Variants in GRIN2A observed in about 807,000 individuals in gnomAD.
GRIN2A encodes glutamate receptor ionotropic, NMDA 2A.
Under a neutral mutation model 113.4 loss-of-function variants are expected in GRIN2A, and 22 were observed. The observed-to-expected ratio is 0.19, with a 90% CI of 0.14 to 0.28. GRIN2A has a LOEUF of 0.28. Ranked by LOEUF, GRIN2A falls within the 10% of genes least tolerant of loss-of-function variation. The pLI, the probability that GRIN2A is intolerant of heterozygous loss-of-function variation, is 1.00. For synonymous variants in GRIN2A, 827 were observed against 738.4 expected (o/e 1.12, Z -1.94); for missense variants, 1,502 against 1,887.0 (o/e 0.80, Z 3.78).
intron 2 of GRIN2A, among the ~76,000 whole-genome samples, chr16:10,073,810 G>C (rs1019584664): frequency 3.3e-5 from 5 of 151,754 alleles, no homozygotes; most frequent in South Asian, 2.1e-4. Flanking sequence ...CAGCTACTCA[G>C]GAGGCTGAGG....
chr16:9,788,491 C>T lies in GRIN2A; in HGVS notation c.2356+9786G>A, dbSNP rs139752070. On this transcript the variant is annotated intron_variant, in intron 11 of 12. Coordinates refer to ENST00000330684, the MANE Select transcript of GRIN2A (RefSeq NM_001134407.3). ...CAGGCTGGTCTCAAACTCCTAACCT[C>T]GAGTGATTCACCTACCTTGGCCTCC... Among the ~76,000 whole-genome samples the T allele has an allele frequency of 3.6e-3, 553 of 152,090 alleles. 6 individuals are homozygous for T. Among genetic ancestry groups the T allele is most frequent in the African/African-American group, 0.012 (512 of 41,480 alleles).
chr16:9,764,353 G>A lies in GRIN2A; in HGVS notation c.3191C>T (p.Thr1064Met), dbSNP rs756930722. Residue 1064 changes from threonine (T) to methionine (M), a missense_variant, in exon 13 of 13, where the codon ACG (threonine) becomes ATG (methionine). By Grantham distance (81) the Thr-to-Met change is moderately conservative (BLOSUM62 -1). Coordinates refer to ENST00000330684, the MANE Select transcript of GRIN2A (RefSeq NM_001134407.3). The part of the protein sequence containing the change: ...EEMAHSDISE[T>M]SNRATCHREP... ...CCTGTGGCACGTGGCCCGATTTGAC[G>A]TTTCTGAAATGTCAGAGTGGGCCAT... is the stretch of plus-strand genomic sequence containing the variant. 1.2e-5 allele frequency: 20 copies of A among 1,613,952 alleles called. No homozygotes were observed. The highest frequency in any genetic ancestry group is 3.3e-5 in the South Asian group (3 of 91,070).
intron 4 of GRIN2A, among the ~76,000 whole-genome samples, chr16:9,863,469 C>A (rs778310260): frequency 3.9e-5 from 6 of 152,178 alleles, no homozygotes; most frequent in Non-Finnish European, 8.8e-5. Context: ...ACCTTGAATT[C>A]CACCACAGAA....
chr16:10,027,251 A>G (rs1030294962), intron 2 of GRIN2A, among the ~76,000 whole-genome samples: 5 of 152,228 alleles, frequency 3.3e-5, no homozygotes, highest in African/African-American at 9.6e-5. Flanking sequence ...GGAGTTGCCC[A>G]TATTACAGAT....
rs1391003195 is a variant in GRIN2A at position 9,897,072 on chromosome 16, G to A, written c.1008-5972C>T. On this transcript the variant is annotated intron_variant, in intron 3 of 12. Coordinates refer to ENST00000330684, the MANE Select transcript of GRIN2A (RefSeq NM_001134407.3). ...AGGAGCAATAAGTACACAGAAGCAT[G>A]CTGGCAAATAGAGAAGGGGAAGACT... Among the ~76,000 whole-genome samples the A allele has an allele frequency of 7.9e-5, 12 of 152,272 alleles. No homozygotes were observed. In the East Asian group the frequency reaches 2.3e-3, roughly 29 times the overall value.
At chr16:10,080,506 G>A (rs559739192) in intron 2 of GRIN2A, among the ~76,000 whole-genome samples, 1 of 152,302 alleles carries the variant, frequency 6.6e-6, no homozygotes, top group African/African-American at 2.4e-5. Context: ...AAAGTTGGAA[G>A]GGATTCCGAG....
At position 9,835,710 on chromosome 16, in the gene GRIN2A, T is replaced by C. The variant is rs528708998; in HGVS notation, c.1652-1480A>G. 2.6e-5 allele frequency among the ~76,000 whole-genome samples: 4 copies of C among 152,274 alleles called. No homozygotes were observed. In the South Asian group the frequency reaches 8.3e-4, roughly 32 times the overall value. ...AAATTGTTTTCCTAGTGAAGCTACT[T>C]ATAATAATAAAGAGCTAGGTTGATA... On this transcript the variant is annotated intron_variant, in intron 7 of 12. Coordinates refer to ENST00000330684, the MANE Select transcript of GRIN2A (RefSeq NM_001134407.3).
intron 2 of GRIN2A, among the ~76,000 whole-genome samples, chr16:9,952,774 G>C (rs1013488654): frequency 1.3e-5 from 2 of 152,066 alleles, no homozygotes; most frequent in Non-Finnish European, 2.9e-5. Flanking sequence ...ATATCTGTGG[G>C]ATTGGATTAA....
intron 4 of GRIN2A, among the ~76,000 whole-genome samples, chr16:9,871,904 A>C (rs548415019): frequency 6.6e-6 from 1 of 152,318 alleles, no homozygotes; most frequent in Admixed American, 6.5e-5. Context: ...AGAAAGTAGC[A>C]GAAGTTAGTA....
intron 2 of GRIN2A, among the ~76,000 whole-genome samples, chr16:9,991,143 C>T (rs1389315986): frequency 6.6e-6 from 1 of 152,162 alleles, no homozygotes. Context: ...TGGAAAAAGG[C>T]AAATGCCTGG....
rs1900679967 is a variant in GRIN2A, at chr16:9,763,350, G to A, written c.4194C>T (p.Asp1398=). The change falls in exon 13 of 13, where the codon GAC becomes GAT. Residue 1398 remains aspartate (D), a synonymous_variant. Coordinates refer to ENST00000330684, the MANE Select transcript of GRIN2A (RefSeq NM_001134407.3). ...ACCTCAAGGACGACCGAAGATAGCT[G>A]TCATTCACCGCCTGGGATGGCAACG... The part of the protein sequence containing the change: ...KHSLPSQAVN[D]SYLRSSLRST... The A allele has an allele frequency of 1.2e-6, 2 of 1,614,004 alleles. No homozygotes were observed. The highest frequency in any genetic ancestry group is 1.7e-6 in the Non-Finnish European group (2 of 1,180,012).
At chr16:9,822,205 A>C (rs1014866945) in intron 10 of GRIN2A, 59 bp downstream of exon 10, 17 of 1,563,164 alleles carry the variant, frequency 1.1e-5, no homozygotes, top group African/African-American at 5.4e-5. Context: ...GCCGAGAGTC[A>C]ATTTCTGTAA....
rs115046144 is a variant in GRIN2A at position 9,861,935 on chromosome 16, T to C, written c.1123-11974A>G. On this transcript the variant is annotated intron_variant, in intron 4 of 12. Transcript: ENST00000330684. ...GCAACGATTGGAGGTGGTGGGATTA[T>C]GAAGCTTTGGCATGAATAAGAACCT... Among the ~76,000 whole-genome samples the C allele has an allele frequency of 4.5e-3, 690 of 152,316 alleles. 5 individuals are homozygous for C. Among genetic ancestry groups the C allele is most frequent in the African/African-American group, 0.016 (645 of 41,574 alleles).
chr16:10,152,601 T>A (rs1363116385), intron 2 of GRIN2A, among the ~76,000 whole-genome samples: 1 of 152,174 alleles, frequency 6.6e-6, no homozygotes, highest in African/African-American at 2.4e-5. Context: ...CTTGGTTTCA[T>A]GTTCAGTTCA....
At chr16:9,829,807 C>G (rs1463138913) in intron 8 of GRIN2A, among the ~76,000 whole-genome samples, 155 bp from the exon 9 acceptor site, 3 of 152,156 alleles carry the variant, frequency 2.0e-5, no homozygotes, top group African/African-American at 7.2e-5. Flanking sequence ...ACCACAATAA[C>G]TTATTTTTTT....
At chr16:10,158,020 T>A (rs1015566276) in intron 2 of GRIN2A, among the ~76,000 whole-genome samples, 2 of 152,264 alleles carry the variant, frequency 1.3e-5, no homozygotes, top group South Asian at 2.1e-4. Flanking sequence ...TTATTTATTT[T>A]TTGAGACAGG....
At chr16:9,867,538 G>C (rs2043180798) in intron 4 of GRIN2A, among the ~76,000 whole-genome samples, 1 of 152,130 alleles carries the variant, frequency 6.6e-6, no homozygotes, top group Admixed American at 6.5e-5. Context: ...TTGGGCTCTA[G>C]ATACATTCTC....
chr16:9,795,078 G>T (rs550029989), intron 11 of GRIN2A, among the ~76,000 whole-genome samples: 1 of 152,104 alleles, frequency 6.6e-6, no homozygotes, highest in African/African-American at 2.4e-5. Context: ...TATCAGAGGC[G>T]TGTGAACCAG....
At chr16:10,084,875 G>C (rs879106356) in intron 2 of GRIN2A, among the ~76,000 whole-genome samples, 1 of 152,090 alleles carries the variant, frequency 6.6e-6, no homozygotes, top group African/African-American at 2.4e-5. Context: ...ATACATAGTA[G>C]ACAACAGTCT....
Sources: gnomAD v4.1 joint callset for allele counts (sites outside exome capture counted in the v4.1 genomes callset) on GRCh38, gnomAD v4.1.1 for gene constraint, MANE v1.5 for transcripts, NCBI Gene and HGNC (gene_info 2026-07-23, HGNC 2026-07-21) for gene names.